Variants in CHST11 observed in about 807,000 individuals in gnomAD.
CHST11 encodes carbohydrate sulfotransferase 11, also known as C4S-1.
Under a neutral mutation model 30.4 loss-of-function variants are expected in CHST11, and 9 were observed. The observed-to-expected ratio is 0.30, with a 90% confidence interval of 0.18 to 0.52. The LOEUF is 0.52. Among genes scored for constraint, CHST11 ranks in the 20% least tolerant of loss-of-function variants. The probability of loss-of-function intolerance (pLI) is 0.97; values close to 1 mark genes in which losing one functional copy is unlikely to be tolerated. For synonymous variants in CHST11, 152 were observed against 187.8 expected, an observed-to-expected ratio of 0.81 and a Z score of 1.56; for missense variants, 348 against 460.6, an observed-to-expected ratio of 0.76 and a Z score of 2.24.
At chr12:104,671,775 C>T (rs2039699693) in intron 2 of CHST11, among the ~76,000 whole-genome samples, 4 of 152,122 alleles carry the variant, frequency 2.6e-5, no homozygotes, top group Admixed American at 6.5e-5. Context: ...TCTCTCTCTC[C>T]TCCCCGCCCC....
intron 2 of CHST11, among the ~76,000 whole-genome samples, chr12:104,650,568 C>T (rs186519982): frequency 6.6e-6 from 1 of 151,380 alleles, no homozygotes; most frequent in East Asian, 1.9e-4. Flanking sequence ...TTTGGAGACG[C>T]GGGCACAGTG....
At chr12:104,488,738 C>T (rs917770216) in intron 1 of CHST11, among the ~76,000 whole-genome samples, 16 of 68,014 alleles carry the variant, frequency 2.4e-4, no homozygotes, top group African/African-American at 8.7e-4. Context: ...TGTATGTGTA[C>T]GCGTGTGTGT....
intron 1 of CHST11, among the ~76,000 whole-genome samples, chr12:104,493,681 T>C (rs2037772310): frequency 6.6e-6 from 1 of 152,240 alleles, no homozygotes; most frequent in Non-Finnish European, 1.5e-5. Flanking sequence ...ATGCTCAAAG[T>C]GACTCACCCT....
intron 2 of CHST11, among the ~76,000 whole-genome samples, chr12:104,693,692 G>A (rs1379134411): frequency 6.6e-6 from 1 of 152,162 alleles, no homozygotes; most frequent in African/African-American, 2.4e-5. Context: ...GGTCTCTGGG[G>A]GTCAGGGAGG....
intron 2 of CHST11, among the ~76,000 whole-genome samples, chr12:104,705,813 C>A (rs1592849590): frequency 6.6e-6 from 1 of 151,964 alleles, no homozygotes; most frequent in East Asian, 1.9e-4. Flanking sequence ...CCCAGCTACT[C>A]AGGAGGCTGA....
intron 2 of CHST11, among the ~76,000 whole-genome samples, chr12:104,701,330 A>C (rs535942453): frequency 6.6e-6 from 1 of 152,214 alleles, no homozygotes; most frequent in Non-Finnish European, 1.5e-5. Flanking sequence ...AATCTGTTTC[A>C]TAATAAGACA....
intron 2 of CHST11, among the ~76,000 whole-genome samples, chr12:104,753,865 C>A (rs563759247): frequency 2.0e-5 from 3 of 152,192 alleles, no homozygotes; most frequent in Admixed American, 6.5e-5. Context: ...GAGTACACAC[C>A]TTATAGTCCT....
intron 1 of CHST11, among the ~76,000 whole-genome samples, chr12:104,553,739 G>GA (rs1179345352): frequency 3.9e-5 from 6 of 152,150 alleles, no homozygotes; most frequent in Admixed American, 3.9e-4. Context: ...CCAGCATTGC[G>GA]AATTACAATT....
intron 2 of CHST11, among the ~76,000 whole-genome samples, chr12:104,630,693 C>T (rs577863623): frequency 2.0e-4 from 30 of 152,336 alleles, no homozygotes; most frequent in African/African-American, 7.0e-4. Context: ...TACGTGGGTG[C>T]ACGTGCCCCT....
intron 1 of CHST11, among the ~76,000 whole-genome samples, chr12:104,476,608 A>G (rs2037565298): frequency 6.6e-6 from 1 of 152,092 alleles, no homozygotes; most frequent in Admixed American, 6.6e-5. Flanking sequence ...TGAGTTTCTT[A>G]ATGTCCCTTT....
intron 1 of CHST11, among the ~76,000 whole-genome samples, chr12:104,522,210 G>C (rs1055310527): frequency 6.6e-6 from 1 of 152,142 alleles, no homozygotes; most frequent in African/African-American, 2.4e-5. Context: ...AGCACAGAGC[G>C]AACTTCCTGG....
intron 2 of CHST11, among the ~76,000 whole-genome samples, chr12:104,700,001 C>T (rs1240084756): frequency 6.6e-6 from 1 of 152,232 alleles, no homozygotes; most frequent in Non-Finnish European, 1.5e-5. Flanking sequence ...ATCTCTCTTA[C>T]AGCTGTCCCC....
intron 2 of CHST11, among the ~76,000 whole-genome samples, chr12:104,756,199 C>T (rs537595510): frequency 2.0e-5 from 3 of 152,208 alleles, no homozygotes; most frequent in South Asian, 2.1e-4. Flanking sequence ...GGCAGGAATC[C>T]GACAGTAGGG....
At chr12:104,515,620 T>G (rs2038014826) in intron 1 of CHST11, among the ~76,000 whole-genome samples, 2 of 152,206 alleles carry the variant, frequency 1.3e-5, no homozygotes, top group Non-Finnish European at 2.9e-5. Flanking sequence ...AGAAAATGCC[T>G]GCCCTCCTGG....
chr12:104,502,766 A>G (rs2037864017), intron 1 of CHST11, among the ~76,000 whole-genome samples: 1 of 152,240 alleles, frequency 6.6e-6, no homozygotes, highest in Non-Finnish European at 1.5e-5. Flanking sequence ...AACAATGGAA[A>G]GTTATAAATC....
rs1367137454 is a variant in CHST11, at chr12:104,487,642, G to T, written c.118+30113G>T. On this transcript the variant is annotated intron_variant, in intron 1 of 2. Transcript: ENST00000303694. ...AGGAAGTTGGGCTTGGAGAGGTAAA[G>T]ATATTTATCTGAGCTCACCAGCTGA... Among the ~76,000 whole-genome samples, 7 of 152,110 alleles carry T rather than the reference G, an allele frequency of 4.6e-5. No individual in the cohort carries two copies. In the South Asian group the frequency reaches 1.2e-3, roughly 27 times the overall value.
intron 2 of CHST11, among the ~76,000 whole-genome samples, chr12:104,697,429 A>G (rs918321793): frequency 6.6e-6 from 1 of 152,120 alleles, no homozygotes; most frequent in Admixed American, 6.5e-5. Context: ...GGAAGGGCCA[A>G]TTCTCTCTTT....
intron 2 of CHST11, among the ~76,000 whole-genome samples, chr12:104,722,540 G>A (rs185942850): frequency 6.6e-6 from 1 of 152,200 alleles, no homozygotes; most frequent in East Asian, 1.9e-4. Context: ...TTGTGCCTTT[G>A]CAGACGTTCA....
At position 104,672,225 on chromosome 12, in the gene CHST11, G is replaced by A. The variant is rs75242996; in HGVS notation, c.204+70234G>A. The stretch of plus-strand genomic sequence containing the variant: ...TCTGGCCTGCACAGGGGGGTGGACC[G>A]TGTGGGAGAGAGGGGATTGTCCCTC... On this transcript the variant is annotated intron_variant, in intron 2 of 2. Transcript: ENST00000303694. 9.0e-3 allele frequency among the ~76,000 whole-genome samples: 1,331 copies of A among 147,348 alleles called. 17 individuals carry two copies. Among genetic ancestry groups the A allele is most frequent in the African/African-American group, 0.032 (1,221 of 37,678 alleles).
Sources: allele counts gnomAD v4.1 joint callset (sites outside exome capture counted in the v4.1 genomes callset), GRCh38; gene constraint gnomAD v4.1.1; transcripts MANE v1.5; gene names NCBI Gene and HGNC (gene_info 2026-07-23, HGNC 2026-07-21).